Variants in DYRK1A observed in about 807,000 individuals in gnomAD.
DYRK1A encodes dual specificity tyrosine phosphorylation regulated kinase 1A.
Under a neutral mutation model 79.7 loss-of-function variants are expected in DYRK1A, and 9 were observed. The observed-to-expected ratio is 0.11, with a 90% CI of 0.07 to 0.20. DYRK1A has a LOEUF of 0.20. Ranked by LOEUF, DYRK1A falls within the 10% of genes least tolerant of loss-of-function variation. The pLI, the probability that DYRK1A is intolerant of heterozygous loss-of-function variation, is 1.00. For missense variants in DYRK1A, 622 were observed against 956.0 expected, an observed-to-expected ratio of 0.65 and a Z score of 4.61; for synonymous variants, 349 against 329.7, an observed-to-expected ratio of 1.06 and a Z score of -0.63.
At chr21:37,453,678 T>C (rs973529892) in intron 2 of DYRK1A, among the ~76,000 whole-genome samples, 1 of 152,096 alleles carries the variant, frequency 6.6e-6, no homozygotes, top group African/African-American at 2.4e-5. Context: ...CTCCAGTTTG[T>C]TTGGCATAAA....
intron 8 of DYRK1A, among the ~76,000 whole-genome samples, chr21:37,493,933 C>CTTT (rs35158368): frequency 0.017 from 1,888 of 114,102 alleles, 37 homozygotes; most frequent in Non-Finnish European, 0.018. Flanking sequence ...TTTAATTCTT[C>CTTT]TTTTTTTTTT....
At chr21:37,458,612 G>T (rs1252114686) in intron 2 of DYRK1A, among the ~76,000 whole-genome samples, 8 of 152,104 alleles carry the variant, frequency 5.3e-5, no homozygotes, top group Non-Finnish European at 8.8e-5. Flanking sequence ...TTGTTGCCAT[G>T]CCCCACACTG....
At chr21:37,400,505 C>T (rs942635379) in intron 1 of DYRK1A, among the ~76,000 whole-genome samples, 1 of 152,138 alleles carries the variant, frequency 6.6e-6, no homozygotes, top group African/African-American at 2.4e-5. Flanking sequence ...AAGAATTAGT[C>T]ATAGTTTTAT....
intron 1 of DYRK1A, among the ~76,000 whole-genome samples, chr21:37,404,724 C>T (rs531665172): frequency 2.0e-4 from 30 of 152,094 alleles, no homozygotes; most frequent in Admixed American, 1.5e-3. Context: ...AAACAGTTGG[C>T]GCAAATATTT....
intron 1 of DYRK1A, among the ~76,000 whole-genome samples, chr21:37,383,396 G>A (rs916135184): frequency 6.6e-6 from 1 of 152,186 alleles, no homozygotes; most frequent in Admixed American, 6.5e-5. Context: ...GGGGTTTTCT[G>A]TGAGTTGCCT....
intron 1 of DYRK1A, among the ~76,000 whole-genome samples, chr21:37,388,770 G>A (rs190153072): frequency 6.6e-6 from 1 of 150,688 alleles, no homozygotes; most frequent in Non-Finnish European, 1.5e-5. Flanking sequence ...TCAGCCTCCC[G>A]AGTAGCTGAG....
At position 37,515,098 on chromosome 21, in the gene DYRK1A, C is replaced by T. The variant is rs974123663; in HGVS notation, c.*2567C>T. 2.6e-5 allele frequency: 4 copies of T among 152,372 alleles called. No individual in the cohort carries two copies. The highest frequency in any genetic ancestry group is 4.4e-5 in the Non-Finnish European group (3 of 67,982). The allele number at this position is 152,372 out of a possible 1,614,324, so 9.4% of individuals were successfully genotyped here. A position where few individuals can be genotyped will look rare whatever the true frequency, so the allele number is the denominator to read the frequency against. ...TCCGGACTTGCTGTGTATATTGTAACGTTAAATGAAAAAAGAACCCCCCTT... is the reference window on the plus strand; with the variant it reads ...TCCGGACTTGCTGTGTATATTGTAATGTTAAATGAAAAAAGAACCCCCCTT... On this transcript the variant is annotated 3_prime_UTR_variant, in exon 12 of 12. Transcript: ENST00000647188.
intron 1 of DYRK1A, among the ~76,000 whole-genome samples, chr21:37,397,856 C>T (rs916726264): frequency 4.0e-5 from 6 of 151,828 alleles, no homozygotes; most frequent in Admixed American, 1.3e-4. Context: ...TGTGAAAGTG[C>T]GTAATTAATA....
At chr21:37,375,400 A>C (rs751459454) in intron 1 of DYRK1A, among the ~76,000 whole-genome samples, 1 of 151,398 alleles carries the variant, frequency 6.6e-6, no homozygotes, top group Non-Finnish European at 1.5e-5. Flanking sequence ...TCAAATTACT[A>C]CTTTCCTTTT....
chr21:37,505,682 T>C (rs1171324107), intron 10 of DYRK1A, 93 bp downstream of exon 10: 1 of 1,343,534 alleles, frequency 7.4e-7, no homozygotes, highest in Non-Finnish European at 1.0e-6. Flanking sequence ...AATTTGTTAA[T>C]AGAGTGGGGA....
At chr21:37,428,042 C>G (rs774084600) in intron 2 of DYRK1A, among the ~76,000 whole-genome samples, 3 of 152,078 alleles carry the variant, frequency 2.0e-5, no homozygotes, top group African/African-American at 4.8e-5. Context: ...CTAATGATAA[C>G]TCTGGTACAG....
At chr21:37,381,624 G>A (rs1054019143) in intron 1 of DYRK1A, among the ~76,000 whole-genome samples, 9 of 152,090 alleles carry the variant, frequency 5.9e-5, no homozygotes, top group Admixed American at 5.2e-4. Context: ...TAGCTTTCAG[G>A]TGCATATCGA....
intron 11 of DYRK1A, among the ~76,000 whole-genome samples, chr21:37,510,994 C>T (rs895768380): frequency 3.3e-5 from 5 of 152,070 alleles, no homozygotes; most frequent in Non-Finnish European, 1.5e-5. Context: ...GGCTCTGGAA[C>T]TGAAGCGATG....
intron 9 of DYRK1A, chr21:37,502,880 T>G (rs1330273199): frequency 6.6e-6 from 1 of 152,230 alleles, no homozygotes; most frequent in Non-Finnish European, 1.5e-5. Context: ...GAATATAGAA[T>G]TATAGATTAA....
At chr21:37,446,122 A>T (rs575114494) in intron 2 of DYRK1A, among the ~76,000 whole-genome samples, 1 of 152,284 alleles carries the variant, frequency 6.6e-6, no homozygotes, top group African/African-American at 2.4e-5. Context: ...TGTATTGGAA[A>T]ATCCTTGTTA....
At position 37,367,406 on chromosome 21, in the gene DYRK1A, T is replaced by G. The variant is rs2049330567; in HGVS notation, c.-299T>G. 1 of 148,624 alleles carries G rather than the reference T, an allele frequency of 6.7e-6. No individual in the cohort carries two copies. Among genetic ancestry groups the G allele is most frequent in the Non-Finnish European group, 1.5e-5 (1 of 66,666 alleles). The allele number at this position is 148,624 out of a possible 1,614,324, so 9.2% of individuals were successfully genotyped here. A position where few individuals can be genotyped will look rare whatever the true frequency, so the allele number is the denominator to read the frequency against. On this transcript the variant is annotated 5_prime_UTR_variant, in exon 1 of 12. Coordinates refer to ENST00000647188, the MANE Select transcript of DYRK1A (RefSeq NM_001347721.2). ...ATCGGGGCCCGGGGACTGCGGTATT[T>G]GCCGGGGAGGGGGCTGTCGCCTCCC...
chr21:37,482,723 G>A (rs1306072657), intron 5 of DYRK1A, among the ~76,000 whole-genome samples: 1 of 152,062 alleles, frequency 6.6e-6, no homozygotes, highest in East Asian at 1.9e-4. Context: ...GGGAGACTGG[G>A]GCTTATTTCA....
chr21:37,423,619 T>C (rs1985771099), intron 2 of DYRK1A, among the ~76,000 whole-genome samples: 1 of 152,138 alleles, frequency 6.6e-6, no homozygotes, highest in Admixed American at 6.6e-5. Flanking sequence ...AATAACATCC[T>C]GTGGACCATG....
chr21:37,375,878 G>A (rs532525640), intron 1 of DYRK1A, among the ~76,000 whole-genome samples: 47 of 152,040 alleles, frequency 3.1e-4, no homozygotes, highest in Admixed American at 3.9e-4. Context: ...ATTAGATCTA[G>A]CCTGAAAACC....
Sources: gnomAD v4.1 joint callset for allele counts (sites outside exome capture counted in the v4.1 genomes callset) on GRCh38, gnomAD v4.1.1 for gene constraint, MANE v1.5 for transcripts, NCBI Gene and HGNC (gene_info 2026-07-23, HGNC 2026-07-21) for gene names.